Variants in IFT81 observed in about 807,000 individuals in gnomAD.
IFT81 encodes the protein intraflagellar transport 81, also known as intraflagellar transport protein 81 homolog.
Under a neutral mutation model 102.6 loss-of-function variants are expected in IFT81, and 72 were observed. The ratio of observed to expected loss-of-function variants is 0.70; its 90% confidence interval spans 0.58 to 0.85. IFT81 has a LOEUF of 0.85. Among genes scored for constraint, IFT81 ranks in the 40% least tolerant of loss-of-function variants. The pLI, the probability that IFT81 is intolerant of heterozygous loss-of-function variation, is 0.00. For synonymous variants in IFT81, 237 were observed against 242.7 expected (o/e 0.98, Z 0.22); for missense variants, 723 against 787.3 (o/e 0.92, Z 0.98).
Position 110,129,074 on chromosome 12 carries a change from C to T in IFT81, c.373C>T (p.Leu125Phe), listed in dbSNP as rs772600529. ...ATATTTAGCTCGTTTTTTAATAAAA[C>T]TTGAGGTACCAAGTGAGTTTCTTCA... ...RAYLARFLIKLEVPSEFLQDE... is the reference protein window; with the variant it reads ...RAYLARFLIKFEVPSEFLQDE... The change falls in exon 4 of 19, where the codon CTT becomes TTT. Residue 125 changes from leucine (L) to phenylalanine (F), a missense_variant. Transcript: ENST00000242591. 7.5e-6 allele frequency: 12 copies of T among 1,607,142 alleles called. No homozygotes were observed. In the East Asian group the frequency reaches 2.7e-4, roughly 36 times the overall value.
At chr12:110,216,407 C>A in intron 18 of IFT81, 1 of 419,644 alleles carries the variant, frequency 2.4e-6, no homozygotes, top group South Asian at 1.7e-5. Context: ...GTTACCCAGG[C>A]AGGCCTTGAA....
At chr12:110,207,005 A>G (rs948389969) in intron 17 of IFT81, among the ~76,000 whole-genome samples, 6 of 151,936 alleles carry the variant, frequency 3.9e-5, no homozygotes, top group Admixed American at 3.9e-4. Context: ...CTCTTGAACT[A>G]TTCATTTTCT....
At chr12:110,134,455 TC>T (rs1894363179) in intron 5 of IFT81, among the ~76,000 whole-genome samples, 1 of 152,216 alleles carries the variant, frequency 6.6e-6, no homozygotes, top group Admixed American at 6.5e-5. Flanking sequence ...GTCTTTATTT[TC>T]AGAGACGGAA....
chr12:110,157,807 C>T (rs921033243), intron 10 of IFT81, among the ~76,000 whole-genome samples: 16 of 152,164 alleles, frequency 1.1e-4, no homozygotes, highest in East Asian at 1.9e-4. Context: ...CCAAATCTGC[C>T]TTTGAATACC....
intron 14 of IFT81, among the ~76,000 whole-genome samples, chr12:110,196,349 T>C (rs1381880324): frequency 1.3e-5 from 2 of 152,068 alleles, no homozygotes; most frequent in East Asian, 3.8e-4. Context: ...CGAAACTCTG[T>C]CTCTACCAAA....
intron 11 of IFT81, among the ~76,000 whole-genome samples, chr12:110,165,776 G>A (rs577418020): frequency 2.0e-5 from 3 of 152,224 alleles, no homozygotes; most frequent in Admixed American, 6.5e-5. Flanking sequence ...GAAATTACTC[G>A]ACCTCCCTGA....
intron 14 of IFT81, among the ~76,000 whole-genome samples, chr12:110,201,353 G>T (rs1370385851): frequency 6.7e-6 from 1 of 150,018 alleles, no homozygotes; most frequent in East Asian, 2.0e-4. Context: ...AGTGAGCCAA[G>T]ATCGTACCAT....
At chr12:110,179,761 T>TACACAC (rs1897224546) in intron 11 of IFT81, among the ~76,000 whole-genome samples, 1 of 67,942 alleles carries the variant, frequency 1.5e-5, no homozygotes, top group African/African-American at 7.2e-5. Flanking sequence ...TATATATATA[T>TACACAC]ATATATATAT....
At chr12:110,201,439 G>GT (rs979527199) in intron 14 of IFT81, among the ~76,000 whole-genome samples, 22 of 145,546 alleles carry the variant, frequency 1.5e-4, no homozygotes, top group South Asian at 1.1e-3. Flanking sequence ...TTTGTTTTTT[G>GT]TTTTTTTTTG....
Position 110,190,991 on chromosome 12 carries a change from A to G in IFT81, c.1410A>G (p.Ala470=), listed in dbSNP as rs1437689384. The change falls in exon 13 of 19, where the codon GCA becomes GCG. Residue 470 remains alanine (A), a synonymous_variant. Transcript: ENST00000242591. ...YTQEELERVS[A]LKSEVDEMKG... is the part of the protein sequence containing the mutation. Reference sequence around the variant, plus strand: ...AAGAAGAGCTAGAAAGAGTATCTGCACTGAAGAGTGAAGTTGATGAAATGA... The same window carrying G: ...AAGAAGAGCTAGAAAGAGTATCTGCGCTGAAGAGTGAAGTTGATGAAATGA... 1 of 1,610,720 alleles carries G rather than the reference A, an allele frequency of 6.2e-7. No individual in the cohort carries two copies. Among genetic ancestry groups the G allele is most frequent in the East Asian group, 2.2e-5 (1 of 44,678 alleles).
At chr12:110,166,505 T>C (rs1896443289) in intron 11 of IFT81, among the ~76,000 whole-genome samples, 1 of 152,076 alleles carries the variant, frequency 6.6e-6, no homozygotes, top group African/African-American at 2.4e-5. Flanking sequence ...ACTGTATACT[T>C]AAAAATGGTA....
intron 7 of IFT81, among the ~76,000 whole-genome samples, chr12:110,136,417 T>C (rs574317739): frequency 7.2e-5 from 11 of 152,344 alleles, no homozygotes; most frequent in African/African-American, 2.6e-4. Context: ...TTACTTGGCG[T>C]TGGTTTGTGA....
rs1476219212 is a variant in IFT81, at chr12:110,131,383, G to T, written c.430-1164G>T. Among the ~76,000 whole-genome samples the T allele has an allele frequency of 3.3e-5, 5 of 151,484 alleles. No homozygotes were observed. In the East Asian group the frequency reaches 9.7e-4, roughly 29 times the overall value. On this transcript the variant is annotated intron_variant, in intron 4 of 18. Coordinates refer to ENST00000242591, the MANE Select transcript of IFT81 (RefSeq NM_014055.4). ...TTTGTTTGAGACAGAGTCTCGCTTT[G>T]TCACCCAGGCTGGAGTGCAGTGGTG...
intron 8 of IFT81, among the ~76,000 whole-genome samples, chr12:110,137,532 G>A (rs879726348): frequency 3.3e-5 from 5 of 151,970 alleles, no homozygotes; most frequent in Non-Finnish European, 7.4e-5. Context: ...TCAGGAGTTC[G>A]AGACCAACCT....
intron 12 of IFT81, among the ~76,000 whole-genome samples, chr12:110,186,365 TTTC>T (rs1566154195): frequency 6.6e-6 from 1 of 152,194 alleles, no homozygotes; most frequent in Non-Finnish European, 1.5e-5. Context: ...TAGGTGTGAT[TTTC>T]TTTTTTATTC....
At chr12:110,132,698 T>G in intron 5 of IFT81, 62 bp downstream of exon 5, 1 of 861,970 alleles carries the variant, frequency 1.2e-6, no homozygotes, top group African/African-American at 1.7e-5. Flanking sequence ...GATTTAGCAT[T>G]TTATTAATTC....
chr12:110,163,321 A>G (rs1033578188), intron 11 of IFT81, among the ~76,000 whole-genome samples: 1 of 151,656 alleles, frequency 6.6e-6, no homozygotes, highest in African/African-American at 2.4e-5. Context: ...GCTCACTGCA[A>G]CCTCCGCCTA....
At chr12:110,169,646 T>A (rs568188539) in intron 11 of IFT81, among the ~76,000 whole-genome samples, 1 of 152,264 alleles carries the variant, frequency 6.6e-6, no homozygotes, top group Admixed American at 6.5e-5. Flanking sequence ...CACTGCAACC[T>A]CCGCCTCCCG....
At chr12:110,202,479 A>C (rs938330434) in intron 14 of IFT81, among the ~76,000 whole-genome samples, 1 of 148,666 alleles carries the variant, frequency 6.7e-6, no homozygotes, top group Non-Finnish European at 1.5e-5. Context: ...TTTGAGATGG[A>C]GTCTCACTCT....
Sources: gnomAD v4.1 joint callset for allele counts (sites outside exome capture counted in the v4.1 genomes callset) on GRCh38, gnomAD v4.1.1 for gene constraint, MANE v1.5 for transcripts, NCBI Gene and HGNC (gene_info 2026-07-23, HGNC 2026-07-21) for gene names.